The following CSRNP3 variants were observed in gnomAD, a reference collection of about 807,000 sequenced individuals.
CSRNP3 encodes the protein cysteine and serine rich nuclear protein 3.
A neutral mutation model predicts 48.0 loss-of-function variants in CSRNP3; 12 were observed. The observed-to-expected ratio is 0.25, with a 90% confidence interval of 0.16 to 0.41. CSRNP3 has a LOEUF of 0.41. Among genes scored for constraint, CSRNP3 ranks in the 10% least tolerant of loss-of-function variants. The probability of loss-of-function intolerance (pLI) is 1.00; values close to 1 mark genes in which losing one functional copy is unlikely to be tolerated. For synonymous variants in CSRNP3, 263 were observed against 269.7 expected (o/e 0.98, Z 0.24); for missense variants, 580 against 724.4 (o/e 0.80, Z 2.29).
intron 4 of CSRNP3, among the ~76,000 whole-genome samples, chr2:165,607,654 G>A (rs918775463): frequency 6.6e-6 from 1 of 152,144 alleles, no homozygotes; most frequent in African/African-American, 2.4e-5. Context: ...CATCAGTAAA[G>A]TAGTTGTCTT....
chr2:165,616,560 A>G (rs1390655963), intron 4 of CSRNP3, among the ~76,000 whole-genome samples: 1 of 152,190 alleles, frequency 6.6e-6, no homozygotes, highest in Non-Finnish European at 1.5e-5. Context: ...CTTTTTATAA[A>G]AACACTTTGA....
intron 4 of CSRNP3, among the ~76,000 whole-genome samples, chr2:165,603,873 C>G (rs1303136874): frequency 6.6e-6 from 1 of 152,192 alleles, no homozygotes; most frequent in Non-Finnish European, 1.5e-5. Context: ...CCCTCACCTC[C>G]TATTTCATGT....
intron 3 of CSRNP3, among the ~76,000 whole-genome samples, chr2:165,554,326 A>G (rs1201349744): frequency 6.6e-6 from 1 of 152,156 alleles, no homozygotes; most frequent in Non-Finnish European, 1.5e-5. Context: ...TGGGCTTTAA[A>G]TATTATCTGT....
chr2:165,474,941 C>G (rs1006759292), intron 1 of CSRNP3, among the ~76,000 whole-genome samples: 1 of 152,132 alleles, frequency 6.6e-6, no homozygotes, highest in African/African-American at 2.4e-5. Context: ...TGTATTTTAG[C>G]AAGTGTGGAT....
intron 3 of CSRNP3, among the ~76,000 whole-genome samples, chr2:165,543,474 A>G (rs1422749350): frequency 6.6e-6 from 1 of 152,160 alleles, no homozygotes; most frequent in African/African-American, 2.4e-5. Context: ...AATATTATTT[A>G]GTTGAAGCTT....
intron 5 of CSRNP3, among the ~76,000 whole-genome samples, chr2:165,667,099 A>G (rs974524322): frequency 7.7e-4 from 11 of 14,368 alleles, no homozygotes; most frequent in Admixed American, 1.8e-3. Flanking sequence ...GAGAGAGAGA[A>G]AAGGAAGGAA....
intron 4 of CSRNP3, among the ~76,000 whole-genome samples, chr2:165,626,332 G>C (rs1686435248): frequency 6.6e-6 from 1 of 152,102 alleles, no homozygotes; most frequent in Admixed American, 6.5e-5. Flanking sequence ...GTAAGGGAAG[G>C]AGTGAGATGG....
At chr2:165,500,081 A>G (rs540270118) in intron 2 of CSRNP3, among the ~76,000 whole-genome samples, 83 of 151,240 alleles carry the variant, frequency 5.5e-4, no homozygotes, top group African/African-American at 2.0e-3. Context: ...CCAAAAACTC[A>G]AACTCAATTG....
At chr2:165,558,115 A>T (rs1191373586) in intron 3 of CSRNP3, among the ~76,000 whole-genome samples, 1 of 152,194 alleles carries the variant, frequency 6.6e-6, no homozygotes, top group Non-Finnish European at 1.5e-5. Flanking sequence ...GAAAATCGGG[A>T]CCACAGGGAG....
intron 3 of CSRNP3, among the ~76,000 whole-genome samples, chr2:165,524,695 G>T (rs1045321506): frequency 6.6e-6 from 1 of 152,132 alleles, no homozygotes; most frequent in Non-Finnish European, 1.5e-5. Flanking sequence ...GGAACACAGA[G>T]AATGTAATCT....
At chr2:165,470,183 A>G (rs576685301) in intron 1 of CSRNP3, among the ~76,000 whole-genome samples, 2 of 152,234 alleles carry the variant, frequency 1.3e-5, no homozygotes, top group Non-Finnish European at 1.5e-5. Context: ...GGCTTTTAAT[A>G]TTGACAATAC....
chr2:165,628,787 C>G (rs1686483448), intron 4 of CSRNP3, among the ~76,000 whole-genome samples: 1 of 152,066 alleles, frequency 6.6e-6, no homozygotes. Flanking sequence ...GATGAGGGGG[C>G]CGGGCACAGT....
chr2:165,688,690 G>T lies in CSRNP3; in HGVS notation c.*8937G>T, dbSNP rs1024574141. The T allele has an allele frequency of 6.6e-6, 1 of 151,904 alleles. No homozygotes were observed. Among genetic ancestry groups the T allele is most frequent in the Non-Finnish European group, 1.5e-5 (1 of 67,950 alleles). The allele number at this position is 151,904 out of a possible 1,614,324, so 9.4% of individuals were successfully genotyped here. A position where few individuals can be genotyped will look rare whatever the true frequency, so the allele number is the denominator to read the frequency against. ...AGATCAAATGATCCAAAGGACTTGGGTGTTATCCTTCAGTCTGTGTTGAAC... is the reference window on the plus strand; with the variant it reads ...AGATCAAATGATCCAAAGGACTTGGTTGTTATCCTTCAGTCTGTGTTGAAC... On this transcript the variant is annotated 3_prime_UTR_variant, in exon 7 of 7. Transcript: ENST00000651982.
At chr2:165,569,386 T>C (rs1685339449) in intron 3 of CSRNP3, among the ~76,000 whole-genome samples, 1 of 152,068 alleles carries the variant, frequency 6.6e-6, no homozygotes, top group Non-Finnish European at 1.5e-5. Context: ...TAACATAAGC[T>C]CATGTCTAAA....
At chr2:165,669,764 T>G (rs1687297619) in intron 5 of CSRNP3, among the ~76,000 whole-genome samples, 1 of 152,150 alleles carries the variant, frequency 6.6e-6, no homozygotes, top group African/African-American at 2.4e-5. Flanking sequence ...TAAGTCCATC[T>G]TAAGTGTCAT....
At position 165,476,996 on chromosome 2, in the gene CSRNP3, C is replaced by T. The variant is rs113109419; in HGVS notation, c.-283+7256C>T. On this transcript the variant is annotated intron_variant, in intron 1 of 6. Transcript: ENST00000651982. ...TGCTTGCTAGTGGGTGAAAAAAAAT[C>T]CCTCTTGACTGGCTTTTTTTCCATA... is the stretch of plus-strand genomic sequence containing the variant. Among the ~76,000 whole-genome samples, 15 of 152,212 alleles carry T rather than the reference C, an allele frequency of 9.9e-5. 1 individual carries two copies. Among genetic ancestry groups the T allele is most frequent in the African/African-American group, 3.1e-4 (13 of 41,530 alleles).
intron 2 of CSRNP3, among the ~76,000 whole-genome samples, chr2:165,506,211 A>T (rs1420911833): frequency 1.3e-5 from 2 of 152,172 alleles, no homozygotes; most frequent in African/African-American, 2.4e-5. Flanking sequence ...ACAAGAAGGC[A>T]TCTCTTCCAC....
intron 2 of CSRNP3, among the ~76,000 whole-genome samples, chr2:165,513,246 T>C (rs1019076238): frequency 5.9e-5 from 9 of 152,354 alleles, no homozygotes; most frequent in Admixed American, 5.9e-4. Flanking sequence ...ATATTAATTA[T>C]GCAATGCTGT....
At chr2:165,661,872 A>G (rs1200673371) in intron 5 of CSRNP3, among the ~76,000 whole-genome samples, 1 of 152,136 alleles carries the variant, frequency 6.6e-6, no homozygotes, top group African/African-American at 2.4e-5. Flanking sequence ...ACACCATGGG[A>G]AACTCACCGA....
Sources: gnomAD v4.1 joint callset for allele counts (sites outside exome capture counted in the v4.1 genomes callset) on GRCh38, gnomAD v4.1.1 for gene constraint, MANE v1.5 for transcripts, NCBI Gene and HGNC (gene_info 2026-07-23, HGNC 2026-07-21) for gene names.